Variants in TMTC2 observed in about 807,000 individuals in gnomAD.
TMTC2 encodes the protein protein O-mannosyl-transferase TMTC2.
Under a neutral mutation model 82.4 loss-of-function variants are expected in TMTC2, and 43 were observed. That is an observed-to-expected ratio of 0.52 (90% CI 0.41 to 0.67). The LOEUF is 0.67. TMTC2 is among the 30% of genes least tolerant of loss of function. The pLI is 0.00. For synonymous variants in TMTC2, 408 were observed against 381.9 expected (o/e 1.07, Z -0.80); for missense variants, 919 against 1,012.4 (o/e 0.91, Z 1.25).
chr12:82,735,327 A>T (rs1438015662), intron 1 of TMTC2, among the ~76,000 whole-genome samples: 2 of 146,390 alleles, frequency 1.4e-5, no homozygotes, highest in Non-Finnish European at 3.0e-5. Context: ...TCTGTCTTTA[A>T]CAGTTTTATA....
chr12:82,853,937 G>T (rs556539361), intron 1 of TMTC2, among the ~76,000 whole-genome samples: 134 of 143,482 alleles, frequency 9.3e-4, no homozygotes, highest in Admixed American at 1.5e-3. Context: ...TTTGGCAGTT[G>T]TTTTTTTTTT....
chr12:82,836,994 A>G (rs551721097), intron 1 of TMTC2, among the ~76,000 whole-genome samples: 16 of 152,312 alleles, frequency 1.1e-4, no homozygotes, highest in Admixed American at 9.2e-4. Flanking sequence ...GAATTCATTT[A>G]GTTTCTAATT....
At chr12:82,879,563 A>T (rs1872731250) in intron 2 of TMTC2, among the ~76,000 whole-genome samples, 1 of 152,136 alleles carries the variant, frequency 6.6e-6, no homozygotes, top group African/African-American at 2.4e-5. Flanking sequence ...ATGGAGCAGG[A>T]CCGGTTCGTG....
At chr12:83,008,512 C>T (rs908229270) in intron 8 of TMTC2, among the ~76,000 whole-genome samples, 1 of 152,176 alleles carries the variant, frequency 6.6e-6, no homozygotes, top group African/African-American at 2.4e-5. Flanking sequence ...GTTCTAAGAA[C>T]ATGCATCTGT....
chr12:82,978,610 G>A (rs1174066130), intron 7 of TMTC2, among the ~76,000 whole-genome samples: 1 of 151,666 alleles, frequency 6.6e-6, no homozygotes, highest in South Asian at 2.1e-4. Context: ...GGCATAATAT[G>A]TGGTCTATTC....
intron 1 of TMTC2, among the ~76,000 whole-genome samples, chr12:82,755,202 T>C (rs1876234222): frequency 6.6e-6 from 1 of 152,218 alleles, no homozygotes; most frequent in South Asian, 2.1e-4. Context: ...GCAGGTGAGT[T>C]GAGCTGTTCA....
At position 82,884,329 on chromosome 12, in the gene TMTC2, C is replaced by T. The variant is rs1469864835; in HGVS notation, c.655-11489C>T. Among the ~76,000 whole-genome samples the T allele has an allele frequency of 1.3e-5, 2 of 152,150 alleles. 1 individual carries two copies. The highest frequency in any genetic ancestry group is 3.9e-4 in the East Asian group (2 of 5,194). On this transcript the variant is annotated intron_variant, in intron 2 of 11. Transcript: ENST00000321196. ...TTAGGGGTTTCTAATATACTACAAA[C>T]GCTATAGAGTGTCAGACAAAAACCA... is the stretch of plus-strand genomic sequence containing the variant.
chr12:82,693,337 G>A (rs1253319917), intron 1 of TMTC2, among the ~76,000 whole-genome samples: 1 of 152,102 alleles, frequency 6.6e-6, no homozygotes, highest in African/African-American at 2.4e-5. Context: ...ATTCATGATT[G>A]GTACTTTGGC....
At chr12:83,047,945 G>A (rs895913773) in intron 9 of TMTC2, among the ~76,000 whole-genome samples, 3 of 152,042 alleles carry the variant, frequency 2.0e-5, no homozygotes, top group Non-Finnish European at 4.4e-5. Flanking sequence ...GCTTGTAAAG[G>A]GACCCCTTGT....
At chr12:82,749,714 T>A (rs1397131478) in intron 1 of TMTC2, among the ~76,000 whole-genome samples, 1 of 146,592 alleles carries the variant, frequency 6.8e-6, no homozygotes, top group Admixed American at 7.1e-5. Context: ...ATAGAAACTG[T>A]TTGTTTTTCT....
intron 1 of TMTC2, among the ~76,000 whole-genome samples, chr12:82,709,358 T>C (rs1873520261): frequency 6.6e-6 from 1 of 152,222 alleles, no homozygotes; most frequent in Non-Finnish European, 1.5e-5. Flanking sequence ...GTAGCTGAAA[T>C]GTTGGTTTGT....
intron 1 of TMTC2, among the ~76,000 whole-genome samples, chr12:82,833,293 C>T (rs1487385036): frequency 2.6e-5 from 4 of 152,174 alleles, no homozygotes; most frequent in Admixed American, 2.0e-4. Flanking sequence ...TAAAGCCAGG[C>T]GAGAATCCCA....
intron 11 of TMTC2, among the ~76,000 whole-genome samples, chr12:83,123,932 T>G (rs773852095): frequency 2.0e-5 from 3 of 152,174 alleles, no homozygotes; most frequent in Non-Finnish European, 4.4e-5. Context: ...AGTATCTCCT[T>G]TGTAGACACA....
In TMTC2 at chr12:82,856,649, A is replaced by G. The variant is rs190544631; in HGVS notation, c.84-361A>G. Among the ~76,000 whole-genome samples the G allele has an allele frequency of 3.3e-5, 5 of 152,298 alleles. No individual in the cohort carries two copies. In the East Asian group the frequency reaches 7.7e-4, roughly 24 times the overall value. ...CCTGGGCCTTGCTTCTTAAAAATGC[A>G]GATTCTCAGGCCCAGCCTCGATCTG... On this transcript the variant is annotated intron_variant, in intron 1 of 11. Coordinates refer to ENST00000321196, the MANE Select transcript of TMTC2 (RefSeq NM_152588.3).
At chr12:82,992,899 T>C (rs1879457122) in intron 8 of TMTC2, among the ~76,000 whole-genome samples, 1 of 152,182 alleles carries the variant, frequency 6.6e-6, no homozygotes, top group Admixed American at 6.5e-5. Context: ...CTCAAATTCT[T>C]TTGAGTATGC....
At chr12:82,961,360 A>T (rs17010268) in intron 4 of TMTC2, among the ~76,000 whole-genome samples, 2,882 of 152,060 alleles carry the variant, frequency 0.019, 81 homozygotes, top group East Asian at 0.15. Flanking sequence ...GCCCAAATTT[A>T]TCCAGAACTT....
intron 3 of TMTC2, among the ~76,000 whole-genome samples, chr12:82,913,998 A>C (rs1256796182): frequency 2.6e-5 from 4 of 152,204 alleles, no homozygotes; most frequent in Admixed American, 1.3e-4. Flanking sequence ...ACATATAAGT[A>C]GAACCAGGCA....
chr12:82,739,105 G>C (rs925826372), intron 1 of TMTC2, among the ~76,000 whole-genome samples: 1 of 149,246 alleles, frequency 6.7e-6, no homozygotes, highest in Non-Finnish European at 1.5e-5. Context: ...GTGAGATCAT[G>C]CCACTGCACT....
intron 8 of TMTC2, among the ~76,000 whole-genome samples, chr12:83,029,048 A>G (rs1377504805): frequency 3.9e-5 from 6 of 152,254 alleles, no homozygotes; most frequent in African/African-American, 1.4e-4. Flanking sequence ...TATAGGTAGT[A>G]GAGACATTAG....
Sources: allele counts gnomAD v4.1 joint callset (sites outside exome capture counted in the v4.1 genomes callset), GRCh38; gene constraint gnomAD v4.1.1; transcripts MANE v1.5; gene names NCBI Gene and HGNC (gene_info 2026-07-23, HGNC 2026-07-21).